Variants in PKIB observed in about 807,000 individuals in gnomAD.
PKIB encodes the protein PKI-beta.
PKIB carries 2 observed loss-of-function variants against 4.5 expected under a neutral mutation model. The observed-to-expected ratio is 0.44, with a 90% CI of 0.18 to 1.39. The LOEUF (loss-of-function observed/expected upper bound fraction) is 1.39. PKIB is among the 40% of genes most tolerant of loss of function. The pLI, the probability that PKIB is intolerant of heterozygous loss-of-function variation, is 0.27. For synonymous variants in PKIB, 38 were observed against 36.0 expected, an observed-to-expected ratio of 1.06 and a Z score of -0.20; for missense variants, 94 against 92.6, an observed-to-expected ratio of 1.02 and a Z score of -0.06.
chr6:122,608,772 G>A (rs942044306), upstream of PKIB, among the ~76,000 whole-genome samples: 1 of 152,086 alleles, frequency 6.6e-6, no homozygotes, highest in African/African-American at 2.4e-5. Flanking sequence ...AGGTCTAGTG[G>A]TTTTCTCACA....
intron 2 of PKIB, chr6:122,581,836 A>G (rs1341421629): frequency 6.6e-6 from 1 of 152,030 alleles, no homozygotes; most frequent in Non-Finnish European, 1.5e-5. Flanking sequence ...TTGAGCCATG[A>G]AGATTGAGCT....
chr6:122,617,165 A>G (rs1051105852), intron 1 of PKIB, among the ~76,000 whole-genome samples: 1 of 152,114 alleles, frequency 6.6e-6, no homozygotes, highest in Non-Finnish European at 1.5e-5. Context: ...TATTGCATCT[A>G]CCGTATGCAC....
chr6:122,492,733 A>G (rs1775971993), intron 2 of PKIB, among the ~76,000 whole-genome samples: 1 of 150,994 alleles, frequency 6.6e-6, no homozygotes, highest in Admixed American at 6.6e-5. Flanking sequence ...AGTTTGCCCC[A>G]GTATAGCTTT....
chr6:122,581,103 T>C (rs1773689743), intron 2 of PKIB, among the ~76,000 whole-genome samples: 1 of 152,186 alleles, frequency 6.6e-6, no homozygotes, highest in African/African-American at 2.4e-5. Flanking sequence ...GAATATCAAC[T>C]AACTCTTCAA....
At chr6:122,629,822 G>A (rs1159316767) in intron 1 of PKIB, among the ~76,000 whole-genome samples, 3 of 152,000 alleles carry the variant, frequency 2.0e-5, no homozygotes, top group Non-Finnish European at 4.4e-5. Flanking sequence ...AAACTATTAA[G>A]GTCATTAAAA....
In PKIB at chr6:122,725,121, T is replaced by G. The variant is rs1251083856; in HGVS notation, c.170-7T>G. The G allele has an allele frequency of 6.2e-7, 1 of 1,600,916 alleles. No individual in the cohort carries two copies. Among genetic ancestry groups the G allele is most frequent in the East Asian group, 2.2e-5 (1 of 44,706 alleles). On this transcript the variant is annotated splice_polypyrimidine_tract_variant and splice_region_variant and intron_variant, in intron 4 of 4. Transcript: ENST00000368452. Reference sequence around the variant, plus strand: ...ATTCCACATATGAATGGAAATTTTTTTTTCAGATGCAAAAGAGAAAGATGA... The same window carrying G: ...ATTCCACATATGAATGGAAATTTTTGTTTCAGATGCAAAAGAGAAAGATGA...
intron 4 of PKIB, among the ~76,000 whole-genome samples, chr6:122,721,455 T>C (rs997536200): frequency 2.6e-5 from 4 of 152,228 alleles, no homozygotes; most frequent in Non-Finnish European, 5.9e-5. Flanking sequence ...GAGCCTTTGT[T>C]ACAGAGACTT....
intron 2 of PKIB, among the ~76,000 whole-genome samples, chr6:122,518,740 G>A (rs937669105): frequency 5.9e-5 from 9 of 152,102 alleles, no homozygotes; most frequent in Admixed American, 2.0e-4. Flanking sequence ...AAACTAAGGA[G>A]TGAAGAAGAA....
chr6:122,636,115 A>C (rs1775909318), intron 2 of PKIB, among the ~76,000 whole-genome samples: 1 of 152,190 alleles, frequency 6.6e-6, no homozygotes, highest in Admixed American at 6.5e-5. Context: ...TTTACAAATT[A>C]GGAAGCTGAG....
chr6:122,650,868 G>T (rs903541475), intron 2 of PKIB, among the ~76,000 whole-genome samples: 1 of 152,150 alleles, frequency 6.6e-6, no homozygotes, highest in Non-Finnish European at 1.5e-5. Context: ...TTCCTCTTCA[G>T]TGTAGCAAGG....
At chr6:122,641,819 G>A (rs1214889165) in intron 2 of PKIB, among the ~76,000 whole-genome samples, 1 of 152,086 alleles carries the variant, frequency 6.6e-6, no homozygotes, top group African/African-American at 2.4e-5. Flanking sequence ...TCAGCCTCCC[G>A]AGTAGCTGGG....
intron 2 of PKIB, among the ~76,000 whole-genome samples, chr6:122,499,903 T>C (rs1415734415): frequency 6.6e-6 from 1 of 152,120 alleles, no homozygotes; most frequent in African/African-American, 2.4e-5. Context: ...TCAGTAGCAA[T>C]AACATTTAAG....
At chr6:122,667,406 G>A (rs368860145) in intron 2 of PKIB, among the ~76,000 whole-genome samples, 24 of 152,130 alleles carry the variant, frequency 1.6e-4, no homozygotes, top group African/African-American at 5.3e-4. Context: ...GCGTGGTGGC[G>A]GGCGCCTGTA....
chr6:122,706,858 A>G (rs1779078199), intron 3 of PKIB, among the ~76,000 whole-genome samples: 1 of 152,150 alleles, frequency 6.6e-6, no homozygotes, highest in South Asian at 2.1e-4. Context: ...ACACAAAGGG[A>G]ATAACTATTA....
At chr6:122,715,847 C>G (rs1046873676) in intron 3 of PKIB, among the ~76,000 whole-genome samples, 1 of 151,998 alleles carries the variant, frequency 6.6e-6, no homozygotes, top group Admixed American at 6.6e-5. Flanking sequence ...TTTCGTGTTG[C>G]TTTCAGAGTG....
At chr6:122,662,308 C>CATTTTTTTTTTTTTTTTTTTTTTTTTTT (rs1491515725) in intron 2 of PKIB, among the ~76,000 whole-genome samples, 1 of 13,252 alleles carries the variant, frequency 7.5e-5, no homozygotes, top group Non-Finnish European at 1.5e-4. Context: ...TCCTTGTCTC[C>CATTTTTTTTTTTTTTTTTTTTTTTTTTT]TTTTTTTTTT....
intron 3 of PKIB, among the ~76,000 whole-genome samples, chr6:122,591,830 G>C (rs1212971378): frequency 1.3e-5 from 2 of 151,388 alleles, no homozygotes; most frequent in Admixed American, 1.3e-4. Flanking sequence ...TCCCTCTTCA[G>C]CCACCTAGTA....
chr6:122,506,101 G>A (rs944329714), intron 2 of PKIB, among the ~76,000 whole-genome samples: 3 of 152,064 alleles, frequency 2.0e-5, no homozygotes, highest in African/African-American at 7.2e-5. Context: ...GTGACCATAT[G>A]AATGGAAGGA....
chr6:122,618,513 G>A (rs967398100), intron 1 of PKIB, among the ~76,000 whole-genome samples: 6 of 151,766 alleles, frequency 4.0e-5, no homozygotes, highest in African/African-American at 1.5e-4. Context: ...AGAAATTTCA[G>A]AATAGTTTTA....
Sources: gnomAD v4.1 joint callset for allele counts (sites outside exome capture counted in the v4.1 genomes callset) on GRCh38, gnomAD v4.1.1 for gene constraint, MANE v1.5 for transcripts, NCBI Gene and HGNC (gene_info 2026-07-23, HGNC 2026-07-21) for gene names.